Variants in ARHGEF28 observed in about 807,000 individuals in gnomAD.
ARHGEF28 encodes the protein 190 kDa guanine nucleotide exchange factor.
In ARHGEF28, 152 loss-of-function variants were observed where a neutral mutation model predicts 206.6. That is an observed-to-expected ratio of 0.74 (90% CI 0.64 to 0.84). ARHGEF28 has a LOEUF of 0.84. Among genes scored for constraint, ARHGEF28 ranks in the 40% least tolerant of loss-of-function variants. The pLI, the probability that ARHGEF28 is intolerant of heterozygous loss-of-function variation, is 0.00. For missense variants in ARHGEF28, 2,028 were observed against 2,073.2 expected (o/e 0.98, Z 0.42); for synonymous variants, 763 against 776.4 (o/e 0.98, Z 0.29).
rs114095624 is a variant in ARHGEF28, at chr5:73,807,289, T to G, written c.1024+11898T>G. On this transcript the variant is annotated intron_variant, in intron 9 of 35. Coordinates refer to ENST00000513042, the MANE Select transcript of ARHGEF28 (RefSeq NM_001177693.2). ...AGATAAATCCAAAATTCCATATGAT[T>G]TATTATTCAGAACAACTGAGCAAAT... Among the ~76,000 whole-genome samples, 1,158 of 152,222 alleles carry G rather than the reference T, an allele frequency of 7.6e-3. 21 individuals carry two copies. Among genetic ancestry groups the G allele is most frequent in the African/African-American group, 0.026 (1,081 of 41,528 alleles).
chr5:73,719,746 AAT>A lies in ARHGEF28; in HGVS notation c.34-30088_34-30087del, dbSNP rs573362472. Among the ~76,000 whole-genome samples the A allele has an allele frequency of 1.6e-4, 25 of 152,356 alleles. No homozygotes were observed. The South Asian group carries it at 5.0e-3, about 30-fold the overall frequency. Reference sequence around the variant, plus strand: ...ATAATCACTTCTGTACAAGTTTGAAAATATGTGCATAGCACTGTAGTATGTAA... The same window carrying A: ...ATAATCACTTCTGTACAAGTTTGAAAATGTGCATAGCACTGTAGTATGTAA... On this transcript the variant is annotated intron_variant, in intron 2 of 35. Coordinates refer to ENST00000513042, the MANE Select transcript of ARHGEF28 (RefSeq NM_001177693.2).
At chr5:73,643,584 G>A (rs1395525009) in intron 1 of ARHGEF28, among the ~76,000 whole-genome samples, 5 of 152,110 alleles carry the variant, frequency 3.3e-5, no homozygotes, top group African/African-American at 1.2e-4. Context: ...AGAGGCCAAG[G>A]CAGGCGGATC....
At chr5:73,788,288 A>G (rs575952943) in intron 7 of ARHGEF28, among the ~76,000 whole-genome samples, 3 of 152,156 alleles carry the variant, frequency 2.0e-5, no homozygotes, top group Non-Finnish European at 4.4e-5. Context: ...GCTTAATTTT[A>G]TTCAAGCCAT....
intron 10 of ARHGEF28, 82 bp from the exon 11 acceptor site, chr5:73,840,398 A>T (rs1284615565): frequency 6.2e-5 from 90 of 1,460,728 alleles, no homozygotes; most frequent in Non-Finnish European, 8.1e-5. Flanking sequence ...AGAAGTTTTT[A>T]AATTGGGAAA....
chr5:73,894,341 G>C (rs1167982055), intron 28 of ARHGEF28, 52 bp from the exon 29 acceptor site: 3 of 1,491,756 alleles, frequency 2.0e-6, no homozygotes, highest in Non-Finnish European at 2.7e-6. Flanking sequence ...TTTCACATTA[G>C]TGGTTGTATT....
intron 18 of ARHGEF28, 113 bp from the exon 19 acceptor site, chr5:73,867,763 G>GC (rs1465384252): frequency 1.3e-4 from 171 of 1,367,744 alleles, no homozygotes; most frequent in Non-Finnish European, 1.6e-4. Context: ...GGCAGAGCAT[G>GC]CATCAGATTA....
chr5:73,701,839 A>G (rs1189386275), intron 2 of ARHGEF28, among the ~76,000 whole-genome samples: 2 of 152,172 alleles, frequency 1.3e-5, no homozygotes, highest in African/African-American at 4.8e-5. Flanking sequence ...TAGGTGTCCA[A>G]TTTGTTTAAC....
intron 31 of ARHGEF28, chr5:73,903,793 C>T (rs935896646): frequency 1.2e-5 from 2 of 172,832 alleles, no homozygotes; most frequent in Admixed American, 1.1e-4. Flanking sequence ...GGAGTTAAGG[C>T]CAGACATGAT....
intron 1 of ARHGEF28, among the ~76,000 whole-genome samples, chr5:73,650,575 G>A (rs771167799): frequency 1.3e-5 from 2 of 151,872 alleles, no homozygotes; most frequent in South Asian, 2.1e-4. Context: ...GAGCCACCGC[G>A]CCCAGCTGAG....
At position 73,856,508 on chromosome 5, in the gene ARHGEF28, T is replaced by G. The variant is rs577474304; in HGVS notation, c.1791-1148T>G. ...TCTAAATGCATTAATAGGTTTGAGC[T>G]CTAAAACCTAATATAGAGCTTAAAT... On this transcript the variant is annotated intron_variant, in intron 14 of 35. Coordinates refer to ENST00000513042, the MANE Select transcript of ARHGEF28 (RefSeq NM_001177693.2). Among the ~76,000 whole-genome samples the G allele has an allele frequency of 1.1e-4, 16 of 152,212 alleles. No homozygotes were observed. In the South Asian group the frequency reaches 3.3e-3, roughly 32 times the overall value.
chr5:73,725,834 A>G (rs1216311135), intron 2 of ARHGEF28, among the ~76,000 whole-genome samples: 2 of 152,212 alleles, frequency 1.3e-5, no homozygotes, highest in Non-Finnish European at 2.9e-5. Flanking sequence ...AAGAGTAGAA[A>G]AAGGGTCTGA....
chr5:73,932,203 G>T (rs4704103), intron 35 of ARHGEF28, among the ~76,000 whole-genome samples: 22,927 of 152,178 alleles, frequency 0.15, 2,541 homozygotes, highest in East Asian at 0.44. Flanking sequence ...TATGTATCAT[G>T]ATAAATTAGA....
intron 18 of ARHGEF28, among the ~76,000 whole-genome samples, chr5:73,867,670 C>T (rs1197398388): frequency 1.3e-5 from 2 of 152,188 alleles, no homozygotes; most frequent in African/African-American, 2.4e-5. Context: ...GGAAGCAGGC[C>T]TGCAGCATGG....
rs1369927150 is a variant in ARHGEF28 at position 73,840,583 on chromosome 5, C to T, written c.1250C>T (p.Thr417Ile). The T allele has an allele frequency of 1.9e-6, 3 of 1,613,970 alleles. No individual in the cohort carries two copies. Among genetic ancestry groups the T allele is most frequent in the Non-Finnish European group, 2.5e-6 (3 of 1,179,870 alleles). ...CTGTGGCCTCAGAGCAGCAAACACA[C>T]CCTTCCTACAGAAACCAGTCCCAGT... The part of the protein sequence containing the change: ...CTLWPQSSKH[T>I]LPTETSPSVY... The change falls in exon 11 of 36, where the codon ACC becomes ATC. Residue 417 changes from threonine to isoleucine, a missense_variant. Transcript: ENST00000513042.
At chr5:73,886,513 C>T (rs866490393) in intron 25 of ARHGEF28, among the ~76,000 whole-genome samples, 83 of 152,314 alleles carry the variant, frequency 5.4e-4, no homozygotes, top group African/African-American at 1.9e-3. Context: ...ATAAAAAGAA[C>T]TCTGAATGTC....
intron 34 of ARHGEF28, 129 bp downstream of exon 34, chr5:73,910,026 T>C: frequency 7.5e-7 from 1 of 1,327,216 alleles, no homozygotes; most frequent in Non-Finnish European, 9.7e-7. Flanking sequence ...GATTTTTCAA[T>C]TTGTAGGTAG....
intron 1 of ARHGEF28, among the ~76,000 whole-genome samples, chr5:73,658,233 C>T (rs1446684091): frequency 6.6e-6 from 1 of 152,038 alleles, no homozygotes; most frequent in Non-Finnish European, 1.5e-5. Flanking sequence ...TCTCCTGTCA[C>T]CCCATTTCTT....
chr5:73,720,151 A>C (rs996008310), intron 2 of ARHGEF28, among the ~76,000 whole-genome samples: 46 of 152,372 alleles, frequency 3.0e-4, no homozygotes, highest in African/African-American at 1.1e-3. Context: ...TATTAGTTAT[A>C]AATATTTAAA....
At chr5:73,923,115 G>A (rs1247513832) in intron 35 of ARHGEF28, 12 of 1,535,724 alleles carry the variant, frequency 7.8e-6, no homozygotes, top group Admixed American at 3.9e-5. Flanking sequence ...GCAGTTGTAC[G>A]TTGACATCTC....
Sources: allele counts gnomAD v4.1 joint callset (sites outside exome capture counted in the v4.1 genomes callset), GRCh38; gene constraint gnomAD v4.1.1; transcripts MANE v1.5; gene names NCBI Gene and HGNC (gene_info 2026-07-23, HGNC 2026-07-21).